ROBO1: variants seen among roughly 807,000 people sequenced by gnomAD.
ROBO1 encodes the protein roundabout guidance receptor 1.
Under a neutral mutation model 195.9 loss-of-function variants are expected in ROBO1, and 149 were observed. That is an observed-to-expected ratio of 0.76 (90% CI 0.67 to 0.87). ROBO1 has a LOEUF of 0.87. ROBO1 is among the 40% of genes least tolerant of loss of function. ROBO1 has a pLI of 0.00. For missense variants in ROBO1, 1,933 were observed against 2,068.3 expected, an observed-to-expected ratio of 0.93 and a Z score of 1.27; for synonymous variants, 816 against 733.2, an observed-to-expected ratio of 1.11 and a Z score of -1.82.
At chr3:79,554,658 C>T (rs1489866517) in intron 2 of ROBO1, among the ~76,000 whole-genome samples, 1 of 151,854 alleles carries the variant, frequency 6.6e-6, no homozygotes, top group African/African-American at 2.4e-5. Context: ...ACTGGAATGA[C>T]AAAGTAGGGA....
chr3:78,689,084 T>A (rs1271962202), intron 8 of ROBO1, among the ~76,000 whole-genome samples: 1 of 152,158 alleles, frequency 6.6e-6, no homozygotes, highest in Non-Finnish European at 1.5e-5. Flanking sequence ...TATGAACAAA[T>A]ATTATCTTTT....
At position 78,662,030 on chromosome 3, in the gene ROBO1, G is replaced by A. The variant is rs375577334; in HGVS notation, c.2051C>T (p.Thr684Ile). ...TTCGATGGAAGAGGAAGAAAGGACG[G>A]TGGGGTTGTGGAGGTGCAGAACAGC... ...GNAVLHLHNPTVLSSSSIEVH... is the reference protein window; with the variant it reads ...GNAVLHLHNPIVLSSSSIEVH... The change falls in exon 15 of 31, where the codon ACC becomes ATC. Residue 684 changes from threonine (T) to isoleucine (I), a missense_variant. By Grantham distance (89) the Thr-to-Ile change is moderately conservative. This residue lies in a region of ROBO1 where 1,737 missense variants were observed against 1,882.5 expected (regional missense o/e 0.92). Coordinates refer to ENST00000464233, the MANE Select transcript of ROBO1 (RefSeq NM_002941.4). 18 of 1,603,796 alleles carry A rather than the reference G, an allele frequency of 1.1e-5. No individual in the cohort carries two copies. Among genetic ancestry groups the A allele is most frequent in the African/African-American group, 1.3e-5 (1 of 74,810 alleles).
At chr3:78,991,152 A>C (rs1226290791) in intron 3 of ROBO1, among the ~76,000 whole-genome samples, 2 of 152,268 alleles carry the variant, frequency 1.3e-5, no homozygotes, top group East Asian at 3.9e-4. Context: ...TGCCTCCTCT[A>C]TTTCTGAAAA....
chr3:79,291,802 T>C (rs901551533), intron 2 of ROBO1, among the ~76,000 whole-genome samples: 1 of 152,160 alleles, frequency 6.6e-6, no homozygotes, highest in Non-Finnish European at 1.5e-5. Flanking sequence ...TACATACTCC[T>C]GTGATAGCCC....
At chr3:79,621,849 G>A (rs79573132) in intron 1 of ROBO1, among the ~76,000 whole-genome samples, 14 of 152,074 alleles carry the variant, frequency 9.2e-5, no homozygotes, top group Admixed American at 1.3e-4. Context: ...AAGCAATTGC[G>A]CAGTTGAGAC....
Position 79,061,952 on chromosome 3 carries a change from T to A in ROBO1, c.172+63504A>T, listed in dbSNP as rs1414724077. On this transcript the variant is annotated intron_variant, in intron 3 of 30. Coordinates refer to ENST00000464233, the MANE Select transcript of ROBO1 (RefSeq NM_002941.4). ...GACATAGGCATGGACAAAGACTTCA[T>A]GACTAAAACACCAAAAGTAATGGCA... Among the ~76,000 whole-genome samples the A allele has an allele frequency of 2.0e-5, 3 of 151,504 alleles. No homozygotes were observed. In the East Asian group the frequency reaches 5.8e-4, roughly 29 times the overall value.
chr3:79,246,669 C>A (rs755813440), intron 2 of ROBO1, among the ~76,000 whole-genome samples: 21 of 152,024 alleles, frequency 1.4e-4, no homozygotes, highest in Middle Eastern at 3.4e-3. Flanking sequence ...TGAGCTATTG[C>A]TTATATTGTT....
intron 1 of ROBO1, among the ~76,000 whole-genome samples, chr3:79,644,804 T>C (rs774315789): frequency 3.3e-5 from 5 of 152,088 alleles, no homozygotes; most frequent in Non-Finnish European, 7.4e-5. Flanking sequence ...ATAGATCATG[T>C]TTTAGGCCAC....
intron 2 of ROBO1, among the ~76,000 whole-genome samples, chr3:79,493,491 T>C (rs1190034273): frequency 6.6e-6 from 1 of 152,058 alleles, no homozygotes; most frequent in Non-Finnish European, 1.5e-5. Context: ...TAAATAAAAG[T>C]ATGTAATTTT....
At chr3:78,942,685 C>A (rs1278858550) in intron 3 of ROBO1, among the ~76,000 whole-genome samples, 1 of 152,100 alleles carries the variant, frequency 6.6e-6, no homozygotes, top group African/African-American at 2.4e-5. Flanking sequence ...AAAAAAGAAA[C>A]CTCAGCTGGA....
intron 2 of ROBO1, among the ~76,000 whole-genome samples, chr3:79,125,858 C>T (rs1262466406): frequency 1.3e-5 from 2 of 152,128 alleles, no homozygotes; most frequent in Non-Finnish European, 2.9e-5. Flanking sequence ...ACTGAGAGAG[C>T]ATATGGAGGA....
intron 1 of ROBO1, among the ~76,000 whole-genome samples, chr3:79,708,410 T>C (rs544988300): frequency 8.5e-4 from 130 of 152,336 alleles, no homozygotes; most frequent in African/African-American, 3.1e-3. Flanking sequence ...AAGGTGCCTC[T>C]GCCACATAAA....
intron 3 of ROBO1, among the ~76,000 whole-genome samples, chr3:79,031,994 A>G (rs1241875643): frequency 6.6e-6 from 1 of 152,136 alleles, no homozygotes; most frequent in African/African-American, 2.4e-5. Flanking sequence ...ATGGACACAC[A>G]GGCTTATATA....
rs565660693 is a variant in ROBO1 at position 79,226,806 on chromosome 3, C to T, written c.89-101267G>A. ...AAGCAGTCCTCCCACCTTGGCCTCC[C>T]GAAGTGCTGGGATTACAGGCATGAG... On this transcript the variant is annotated intron_variant, in intron 2 of 30. Coordinates refer to ENST00000464233, the MANE Select transcript of ROBO1 (RefSeq NM_002941.4). Among the ~76,000 whole-genome samples the T allele has an allele frequency of 1.6e-4, 25 of 152,204 alleles. No homozygotes were observed. The Middle Eastern group carries it at 0.01, about 62-fold the overall frequency.
intron 2 of ROBO1, among the ~76,000 whole-genome samples, chr3:79,387,082 C>T (rs1546038): frequency 0.066 from 10,046 of 152,106 alleles, 404 homozygotes; most frequent in East Asian, 0.14. Context: ...CATCTATTTG[C>T]TTTTAGCACT....
At chr3:79,419,820 T>G (rs1021715522) in intron 2 of ROBO1, among the ~76,000 whole-genome samples, 1 of 152,124 alleles carries the variant, frequency 6.6e-6, no homozygotes, top group African/African-American at 2.4e-5. Context: ...AATAGAGTAA[T>G]TTTAAGGAAA....
At chr3:79,246,543 A>G (rs1416685815) in intron 2 of ROBO1, among the ~76,000 whole-genome samples, 1 of 152,132 alleles carries the variant, frequency 6.6e-6, no homozygotes, top group Non-Finnish European at 1.5e-5. Context: ...CACTGTCTTA[A>G]TCATACAATA....
rs1192179233 is a variant in ROBO1 at position 78,746,906 on chromosome 3, G to A, written c.500-6C>T. ...TCTGAAGTCATCCCGAAGTACTGTA[G>A]GAACAAGATTAAATCATTATACCCA... On this transcript the variant is annotated splice_polypyrimidine_tract_variant and splice_region_variant and intron_variant, in intron 4 of 30. Transcript: ENST00000464233. 23 of 1,529,940 alleles carry A rather than the reference G, an allele frequency of 1.5e-5. No homozygotes were observed. The highest frequency in any genetic ancestry group is 2.0e-5 in the Non-Finnish European group (23 of 1,128,602). The allele number at this position is 1,529,940 out of a possible 1,614,324, so 94.8% of individuals were successfully genotyped here. A position where few individuals can be genotyped will look rare whatever the true frequency, so the allele number is the denominator to read the frequency against.
intron 1 of ROBO1, among the ~76,000 whole-genome samples, chr3:79,609,733 G>A (rs1459457349): frequency 6.6e-6 from 1 of 151,738 alleles, no homozygotes; most frequent in African/African-American, 2.4e-5. Flanking sequence ...ATTATGCTAC[G>A]TGCCATAAGT....
Sources: allele counts gnomAD v4.1 joint callset (sites outside exome capture counted in the v4.1 genomes callset), GRCh38; gene constraint gnomAD v4.1.1; regional missense constraint gnomAD v4.1.1; transcripts MANE v1.5; gene names NCBI Gene and HGNC (gene_info 2026-07-23, HGNC 2026-07-21).